Variants in ELMOD2 observed in about 807,000 individuals in gnomAD.
ELMOD2 encodes the protein ELMO domain-containing protein 2.
A neutral mutation model predicts 41.0 loss-of-function variants in ELMOD2; 28 were observed. That is an observed-to-expected ratio of 0.68 (90% confidence interval 0.51 to 0.94). The LOEUF is 0.94. ELMOD2 is among the 40% of genes least tolerant of loss of function. ELMOD2 has a pLI of 0.00. For missense variants in ELMOD2, 333 were observed against 343.1 expected (o/e 0.97, Z 0.23); for synonymous variants, 106 against 107.2 (o/e 0.99, Z 0.07).
At position 140,548,687 on chromosome 4, in the gene ELMOD2, A is replaced by G. The variant is rs375891895; in HGVS notation, c.737-1543A>G. Among the ~76,000 whole-genome samples, 19 of 152,184 alleles carry G rather than the reference A, an allele frequency of 1.2e-4. No individual in the cohort carries two copies. In the East Asian group the frequency reaches 1.9e-3, roughly 15 times the overall value. ...TTTAACTTCTCTGCACCTCTCTTTC[A>G]TCTTTGGTAGAGTGGGAATAACAAC... On this transcript the variant is annotated intron_variant, in intron 8 of 8. Transcript: ENST00000323570.
rs755163165 is a variant in ELMOD2, at chr4:140,550,317, A to G, written c.824A>G (p.His275Arg). Reference sequence around the variant, plus strand: ...TTCAATTTGTATAGAGAGAAGTTTCATGAAAAGATTAAAGGACTTTTACTG... The same window carrying G: ...TTCAATTTGTATAGAGAGAAGTTTCGTGAAAAGATTAAAGGACTTTTACTG... ...MYFNLYREKF[H>R]EKIKGLLLDC... Residue 275 changes from histidine (H) to arginine (R), a missense_variant, in exon 9 of 9, where the codon CAT becomes CGT. Coordinates refer to ENST00000323570, the MANE Select transcript of ELMOD2 (RefSeq NM_153702.4). 1.7e-5 allele frequency: 28 copies of G among 1,611,538 alleles called. No individual in the cohort carries two copies. Among genetic ancestry groups the G allele is most frequent in the Non-Finnish European group, 2.3e-5 (27 of 1,178,658 alleles).
At chr4:140,540,076 G>A (rs1735058269) in intron 5 of ELMOD2, 92 bp from the exon 6 acceptor site, 1 of 1,439,412 alleles carries the variant, frequency 6.9e-7, no homozygotes, top group Non-Finnish European at 9.3e-7. Flanking sequence ...TTAACCTATG[G>A]TTTTTCTACA....
At chr4:140,540,691 G>A (rs1450694250) in intron 6 of ELMOD2, among the ~76,000 whole-genome samples, 1 of 151,050 alleles carries the variant, frequency 6.6e-6, no homozygotes, top group African/African-American at 2.4e-5. Flanking sequence ...AGTTTACAGT[G>A]AGTCATGATT....
At chr4:140,544,908 A>C (rs942037786) in intron 8 of ELMOD2, among the ~76,000 whole-genome samples, 1 of 152,134 alleles carries the variant, frequency 6.6e-6, no homozygotes, top group African/African-American at 2.4e-5. Context: ...GATGTAGCAG[A>C]GAAGAAGACA....
intron 3 of ELMOD2, among the ~76,000 whole-genome samples, chr4:140,529,194 G>C (rs1035382306): frequency 1.3e-4 from 20 of 152,178 alleles, no homozygotes; most frequent in Non-Finnish European, 7.3e-5. Context: ...CGTTCCTGCT[G>C]GTGAGGGCAG....
At chr4:140,545,898 C>T (rs1445363845) in intron 8 of ELMOD2, among the ~76,000 whole-genome samples, 1 of 152,144 alleles carries the variant, frequency 6.6e-6, no homozygotes, top group African/African-American at 2.4e-5. Flanking sequence ...GGACTGTAAA[C>T]TAGTTCAACC....
At chr4:140,541,410 A>G (rs1320764502) in intron 6 of ELMOD2, among the ~76,000 whole-genome samples, 2 of 152,188 alleles carry the variant, frequency 1.3e-5, no homozygotes, top group African/African-American at 4.8e-5. Flanking sequence ...GAAGGAAATT[A>G]AAAGTTGTTC....
Position 140,552,615 on chromosome 4 carries a change from CA to C in ELMOD2, c.*2241del, listed in dbSNP as rs1234224859. On this transcript the variant is annotated 3_prime_UTR_variant, in exon 9 of 9. Transcript: ENST00000323570. The stretch of plus-strand genomic sequence containing the variant: ...TCTACCTTCCTACTTTCCCTTTTGA[CA>C]TATGTAGTTGGAATTTTACATAGTC... The C allele has an allele frequency of 6.6e-6, 1 of 151,970 alleles. No homozygotes were observed. Among genetic ancestry groups the C allele is most frequent in the African/African-American group, 2.4e-5 (1 of 41,400 alleles). The allele number at this position is 151,970 out of a possible 1,614,324, so 9.4% of individuals were successfully genotyped here.
At chr4:140,527,604 T>A in intron 3 of ELMOD2, 110 bp downstream of exon 3, 1 of 878,820 alleles carries the variant, frequency 1.1e-6, no homozygotes, top group Non-Finnish European at 1.7e-6. Flanking sequence ...GAGCATTGAG[T>A]GAAATTTTCC....
In ELMOD2 at chr4:140,525,562, A is replaced by G; in HGVS notation, c.134A>G (p.His45Arg). The G allele has an allele frequency of 6.2e-7, 1 of 1,609,498 alleles. No individual in the cohort carries two copies. ...FDTYVGAQRT[H>R]RIENSLTYSK... is the part of the protein sequence containing the mutation. ...ACCTATGTAGGTGCACAAAGGACAC[A>G]CAGGATAGGTAATGTTATTCAAAAA... The change falls in exon 2 of 9, where the codon CAC becomes CGC. Residue 45 changes from histidine to arginine, a missense_variant. Physicochemically the swap from His to Arg is conservative, Grantham distance 29. Coordinates refer to ENST00000323570, the MANE Select transcript of ELMOD2 (RefSeq NM_153702.4).
At position 140,540,320 on chromosome 4, in the gene ELMOD2, T is replaced by G. The variant is rs1010988243; in HGVS notation, c.533+19T>G. On this transcript the variant is annotated intron_variant, in intron 6 of 8. Transcript: ENST00000323570. ...ATCTTGTGTAAGTGAAAGTAAACTT[T>G]CTTTTCTTCCCTAAATGAAATTACA... The G allele has an allele frequency of 6.2e-7, 1 of 1,610,160 alleles. No individual in the cohort carries two copies. Among genetic ancestry groups the G allele is most frequent in the African/African-American group, 1.3e-5 (1 of 74,678 alleles).
chr4:140,544,492 C>T (rs368246372), intron 8 of ELMOD2, among the ~76,000 whole-genome samples: 2 of 152,022 alleles, frequency 1.3e-5, no homozygotes, highest in East Asian at 3.9e-4. Context: ...TGGTAACACT[C>T]TTCTATTTCT....
intron 3 of ELMOD2, among the ~76,000 whole-genome samples, chr4:140,529,087 G>A (rs944464109): frequency 6.6e-6 from 1 of 152,144 alleles, no homozygotes; most frequent in African/African-American, 2.4e-5. Context: ...ATCTTCTGGA[G>A]GCCTATTAAA....
chr4:140,546,291 A>G (rs537445677), intron 8 of ELMOD2, among the ~76,000 whole-genome samples: 6 of 152,030 alleles, frequency 3.9e-5, no homozygotes, highest in African/African-American at 1.4e-4. Flanking sequence ...AACAATGAGA[A>G]CACTTGGACA....
intron 2 of ELMOD2, among the ~76,000 whole-genome samples, chr4:140,525,951 C>G (rs1314878252): frequency 6.6e-6 from 1 of 152,148 alleles, no homozygotes; most frequent in African/African-American, 2.4e-5. Flanking sequence ...CTTCATCAGT[C>G]TTTTACTTTC....
At chr4:140,550,081 C>T (rs1735422632) in intron 8 of ELMOD2, 149 bp from the exon 9 acceptor site, 2 of 645,038 alleles carry the variant, frequency 3.1e-6, no homozygotes, top group Non-Finnish European at 5.1e-6. Flanking sequence ...TTATTAAGTC[C>T]CTCAGGCTTC....
chr4:140,542,384 A>G, intron 6 of ELMOD2, 190 bp from the exon 7 acceptor site: 1 of 495,354 alleles, frequency 2.0e-6, no homozygotes. Flanking sequence ...TCTGTACTAC[A>G]TAGGCCTGAT....
chr4:140,542,602 G>A lies in ELMOD2; in HGVS notation c.562G>A (p.Ala188Thr). 1 of 1,606,202 alleles carries A rather than the reference G, an allele frequency of 6.2e-7. No individual in the cohort carries two copies. Among genetic ancestry groups the A allele is most frequent in the Non-Finnish European group, 8.5e-7 (1 of 1,175,744 alleles). Residue 188 changes from alanine to threonine, a missense_variant, in exon 7 of 9, where the codon GCT (alanine) becomes ACT (threonine). Ala to Thr is a moderately conservative substitution (Grantham distance 58, BLOSUM62 0). Transcript: ENST00000323570. ...TTTCAGTGAAAATTACACTAGTGAA[G>A]CTCATCAGATTCTTTCCCGTTCAAA... ...VYFSENYTSE[A>T]HQILSRSNHP... is the part of the protein sequence containing the mutation.
At chr4:140,537,319 A>AT (rs2110851705) in intron 4 of ELMOD2, 93 bp from the exon 5 acceptor site, 1 of 1,146,952 alleles carries the variant, frequency 8.7e-7, no homozygotes, top group East Asian at 3.1e-5. Context: ...AAGCCAGGAA[A>AT]TGCTTTCTAA....
Sources: gnomAD v4.1 joint callset for allele counts (sites outside exome capture counted in the v4.1 genomes callset) on GRCh38, gnomAD v4.1.1 for gene constraint, MANE v1.5 for transcripts, NCBI Gene and HGNC (gene_info 2026-07-23, HGNC 2026-07-21) for gene names.